ZNF492: variants seen among roughly 807,000 people sequenced by gnomAD.
The protein encoded by ZNF492 is zinc finger protein 115 (Y20).
A neutral mutation model predicts 6.4 loss-of-function variants in ZNF492; 3 were observed. That is an observed-to-expected ratio of 0.47 (90% CI 0.21 to 1.22). The LOEUF is 1.22. Among genes scored for constraint, ZNF492 ranks in the 50% most tolerant of loss-of-function variants. The pLI is 0.22. For synonymous variants in ZNF492, 112 were observed against 205.3 expected, an observed-to-expected ratio of 0.55 and a Z score of 3.89; for missense variants, 356 against 612.5, an observed-to-expected ratio of 0.58 and a Z score of 4.42.
intron 1 of ZNF492, among the ~76,000 whole-genome samples, chr19:22,642,950 G>T (rs1971843152): frequency 6.6e-6 from 1 of 152,088 alleles, no homozygotes; most frequent in Non-Finnish European, 1.5e-5. Flanking sequence ...GTACTTATTT[G>T]CAGGCTGAAG....
At chr19:22,649,787 G>A (rs554067100) in intron 1 of ZNF492, among the ~76,000 whole-genome samples, 42 of 152,154 alleles carry the variant, frequency 2.8e-4, no homozygotes, top group African/African-American at 9.2e-4. Context: ...TCTTAGCTCC[G>A]TCAGGTCATT....
rs181590426 is a variant in ZNF492 at position 22,653,320 on chromosome 19, T to A, written c.-80T>A. 481 of 1,613,262 alleles carry A rather than the reference T, an allele frequency of 3.0e-4. 3 individuals carry two copies. In the African/African-American group the frequency reaches 5.7e-3, roughly 19 times the overall value. ...TATGTTTTTCAGGGAGTGTTGACATTTAGGGATGTGGCCATAGAATTCTCT... is the reference window on the plus strand; with the variant it reads ...TATGTTTTTCAGGGAGTGTTGACATATAGGGATGTGGCCATAGAATTCTCT... On this transcript the variant is annotated 5_prime_UTR_variant, in exon 2 of 4. Coordinates refer to ENST00000456783, the MANE Select transcript of ZNF492 (RefSeq NM_020855.3).
intron 1 of ZNF492, among the ~76,000 whole-genome samples, chr19:22,642,384 CTTTTTTTTTTT>C (rs869202400): frequency 5.8e-5 from 5 of 85,492 alleles, no homozygotes; most frequent in Non-Finnish European, 1.0e-4. Flanking sequence ...AACCTTTTGT[CTTTTTTTTTTT>C]TTTTTTTTTT....
chr19:22,652,232 T>G (rs1484939590), intron 1 of ZNF492, among the ~76,000 whole-genome samples: 116 of 119,160 alleles, frequency 9.7e-4, no homozygotes, highest in African/African-American at 3.0e-3. Context: ...TTTTTTTTTT[T>G]TTTTTTGAGA....
At chr19:22,646,685 T>A (rs1971880476) in intron 1 of ZNF492, among the ~76,000 whole-genome samples, 3 of 152,182 alleles carry the variant, frequency 2.0e-5, no homozygotes, top group African/African-American at 7.2e-5. Context: ...TTTTGAGATA[T>A]GTTCCATTAA....
chr19:22,655,934 C>CCTGCCT (rs1971992734), intron 3 of ZNF492, among the ~76,000 whole-genome samples: 1 of 140,308 alleles, frequency 7.1e-6, no homozygotes, highest in Non-Finnish European at 1.5e-5. Flanking sequence ...AAGTGATTCT[C>CCTGCCT]CTGCCTCTGC....
chr19:22,653,347 T>C lies in ZNF492; in HGVS notation c.-53T>C. The stretch of plus-strand genomic sequence containing the variant: ...AGGGATGTGGCCATAGAATTCTCTC[T>C]GGAGGAGTGGCAATGCCTGGACACC... On this transcript the variant is annotated 5_prime_UTR_variant, in exon 2 of 4. Coordinates refer to ENST00000456783, the MANE Select transcript of ZNF492 (RefSeq NM_020855.3). 18 of 1,613,378 alleles carry C rather than the reference T, an allele frequency of 1.1e-5. No individual in the cohort carries two copies. In the South Asian group the frequency reaches 1.9e-4, roughly 17 times the overall value.
chr19:22,644,016 CATT>C (rs1971853628), intron 1 of ZNF492, among the ~76,000 whole-genome samples: 1 of 152,052 alleles, frequency 6.6e-6, no homozygotes, highest in Non-Finnish European at 1.5e-5. Flanking sequence ...TAGAGCAGCT[CATT>C]GTTGCTGAAT....
intron 1 of ZNF492, 75 bp downstream of exon 1, chr19:22,634,549 G>T: frequency 2.3e-6 from 3 of 1,283,056 alleles, no homozygotes; most frequent in Non-Finnish European, 3.3e-6. Context: ...GCTGTGGCGG[G>T]ACTCAGGCCT....
Position 22,665,141 on chromosome 19 carries a change from T to G in ZNF492, c.1472T>G (p.Ile491Ser). ...ECGKAFNNSS[I>S]LNRHKMIHTG... The stretch of plus-strand genomic sequence containing the variant: ...GGCAAAGCCTTTAACAACTCCTCTA[T>G]TCTTAACAGACATAAGATGATTCAT... The change falls in exon 4 of 4, where the codon ATT (isoleucine) becomes AGT (serine). Residue 491 changes from isoleucine to serine, a missense_variant. Physicochemically the swap from Ile to Ser is moderately radical, Grantham distance 142. Around this residue, in one of 7 missense-constraint regions of ZNF492, gnomAD observed 81 missense variants for 115.4 expected, o/e 0.70. Coordinates refer to ENST00000456783, the MANE Select transcript of ZNF492 (RefSeq NM_020855.3). 6.2e-7 allele frequency: 1 copy of G among 1,610,518 alleles called. No individual in the cohort carries two copies. The highest frequency in any genetic ancestry group is 8.5e-7 in the Non-Finnish European group (1 of 1,179,732).
Position 22,634,389 on chromosome 19 carries a change from G to C in ZNF492, c.-179G>C. 1 of 1,263,066 alleles carries C rather than the reference G, an allele frequency of 7.9e-7. No homozygotes were observed. The highest frequency in any genetic ancestry group is 1.1e-6 in the Non-Finnish European group (1 of 882,104). The allele number at this position is 1,263,066 out of a possible 1,614,324, so 78.2% of individuals were successfully genotyped here. ...CGCTGTTCTGCGTCCTCTGGTCCTA[G>C]AGGCCCATCCTCTGTGGCCCTGTGA... On this transcript the variant is annotated 5_prime_UTR_variant, in exon 1 of 4. Coordinates refer to ENST00000456783, the MANE Select transcript of ZNF492 (RefSeq NM_020855.3).
At chr19:22,663,606 CACTTA>C (rs766472129) in intron 3 of ZNF492, among the ~76,000 whole-genome samples, 189 bp from the exon 4 acceptor site, 6 of 152,116 alleles carry the variant, frequency 3.9e-5, no homozygotes, top group Non-Finnish European at 5.9e-5. Context: ...GCACTGCACA[CACTTA>C]ACTTACTTTA....
chr19:22,637,447 C>T (rs1971780879), intron 1 of ZNF492, among the ~76,000 whole-genome samples: 1 of 152,034 alleles, frequency 6.6e-6, no homozygotes, highest in Admixed American at 6.5e-5. Flanking sequence ...CACACACCAC[C>T]AGGCCTGGCT....
chr19:22,638,041 T>C (rs1242489283), intron 1 of ZNF492, among the ~76,000 whole-genome samples: 1 of 152,198 alleles, frequency 6.6e-6, no homozygotes, highest in Non-Finnish European at 1.5e-5. Context: ...CCTTTTCATG[T>C]TTTTTGTCTA....
intron 3 of ZNF492, among the ~76,000 whole-genome samples, chr19:22,656,657 G>C (rs1226176610): frequency 6.6e-6 from 1 of 152,066 alleles, no homozygotes; most frequent in Admixed American, 6.6e-5. Context: ...GCTGGGAGGA[G>C]TTTGGGATGA....
intron 1 of ZNF492, among the ~76,000 whole-genome samples, chr19:22,644,435 G>C (rs927337925): frequency 6.6e-6 from 1 of 152,028 alleles, no homozygotes; most frequent in African/African-American, 2.4e-5. Context: ...GTGTCCTTGT[G>C]TTCTCATTGT....
At chr19:22,637,415 C>T (rs1680709882) in intron 1 of ZNF492, among the ~76,000 whole-genome samples, 1 of 152,076 alleles carries the variant, frequency 6.6e-6, no homozygotes, top group Non-Finnish European at 1.5e-5. Flanking sequence ...ACTTTAGCCC[C>T]CCAAGTAGCT....
chr19:22,648,013 C>T (rs921703132), intron 1 of ZNF492, among the ~76,000 whole-genome samples: 8 of 152,030 alleles, frequency 5.3e-5, no homozygotes, highest in African/African-American at 1.2e-4. Flanking sequence ...GGATTACAGG[C>T]GTGAGTCACC....
Position 22,666,743 on chromosome 19 carries a change from A to G in ZNF492, c.*1478A>G, listed in dbSNP as rs1972133613. 1 of 152,228 alleles carries G rather than the reference A, an allele frequency of 6.6e-6. No homozygotes were observed. The highest frequency in any genetic ancestry group is 1.5e-5 in the Non-Finnish European group (1 of 68,042). 9.4% of individuals were successfully genotyped at this position (152,228 alleles called of 1,614,324 possible). A position where few individuals can be genotyped will look rare whatever the true frequency, so the allele number is the denominator to read the frequency against. ...CAAATTTTTAGTTTTAGTTAAAATT[A>G]AAAATAAATTAGTATATTATTTTAC... On this transcript the variant is annotated 3_prime_UTR_variant, in exon 4 of 4. Coordinates refer to ENST00000456783, the MANE Select transcript of ZNF492 (RefSeq NM_020855.3).
Sources: allele counts gnomAD v4.1 joint callset (sites outside exome capture counted in the v4.1 genomes callset), GRCh38; gene constraint gnomAD v4.1.1; regional missense constraint gnomAD v4.1.1; transcripts MANE v1.5; gene names NCBI Gene and HGNC (gene_info 2026-07-23, HGNC 2026-07-21).